The following ABCB1 variants were observed in gnomAD, a reference collection of about 807,000 sequenced individuals.
The protein encoded by ABCB1 is ATP-dependent translocase ABCB1.
A neutral mutation model predicts 142.0 loss-of-function variants in ABCB1; 69 were observed. The observed-to-expected ratio is 0.49, with a 90% CI of 0.40 to 0.59. The LOEUF is 0.59. ABCB1 is among the 20% of genes least tolerant of loss of function. The pLI, the probability that ABCB1 is intolerant of heterozygous loss-of-function variation, is 0.00. For missense variants in ABCB1, 1,326 were observed against 1,554.7 expected (o/e 0.85, Z 2.47); for synonymous variants, 532 against 539.2 (o/e 0.99, Z 0.18).
rs186026692 is a variant in ABCB1, at chr7:87,504,053, T to C, written c.*190A>G. ...ATTTATAATGCAGTTTAAACTATGA[T>C]TTCTCTCCACTTGATGATGTCTCTC... On this transcript the variant is annotated 3_prime_UTR_variant, in exon 28 of 28. Coordinates refer to ENST00000622132, the MANE Select transcript of ABCB1 (RefSeq NM_001348946.2). 1.5e-6 allele frequency: 1 copy of C among 661,822 alleles called. No homozygotes were observed. Among genetic ancestry groups the C allele is most frequent in the Admixed American group, 2.8e-5 (1 of 35,538 alleles). The allele number at this position is 661,822 out of a possible 1,614,324, so 41.0% of individuals were successfully genotyped here.
chr7:87,609,542 T>C (rs1819778043), intron 1 of ABCB1, among the ~76,000 whole-genome samples: 1 of 152,162 alleles, frequency 6.6e-6, no homozygotes, highest in African/African-American at 2.4e-5. Flanking sequence ...CATTCTATCA[T>C]ATTGACAGGA....
chr7:87,531,641 T>C (rs1816061887), intron 20 of ABCB1, 144 bp from the exon 21 acceptor site: 1 of 739,030 alleles, frequency 1.4e-6, no homozygotes, highest in South Asian at 1.8e-5. Flanking sequence ...CTTGTAAGTT[T>C]ATTGAGTTTC....
At chr7:87,649,253 G>A (rs1823331698) in intron 1 of ABCB1, among the ~76,000 whole-genome samples, 1 of 152,180 alleles carries the variant, frequency 6.6e-6, no homozygotes, top group Non-Finnish European at 1.5e-5. Flanking sequence ...GTTGGGTCTT[G>A]CCATGATAGG....
chr7:87,683,312 T>C (rs1381368026), intron 1 of ABCB1, among the ~76,000 whole-genome samples: 1 of 152,226 alleles, frequency 6.6e-6, no homozygotes. Context: ...ACTGGAATAG[T>C]ACTTTTAATT....
rs770785509 is a variant in ABCB1, at chr7:87,515,342, G to T, written c.3171C>A (p.Ser1057Arg). Residue 1057 changes from serine (S) to arginine (R), a missense_variant, in exon 25 of 28, where the codon AGC becomes AGA. By Grantham distance (110) the Ser-to-Arg change is moderately radical (BLOSUM62 -1). Coordinates refer to ENST00000622132, the MANE Select transcript of ABCB1 (RefSeq NM_001348946.2). ...RPDIPVLQGLSLEVKKGQTLA... is the reference protein window; with the variant it reads ...RPDIPVLQGLRLEVKKGQTLA... ...GCGTCTGGCCCTTCTTCACCTCCAG[G>T]CTCAGTCCCTGAAGCACTGGGATGT... 5 of 1,614,002 alleles carry T rather than the reference G, an allele frequency of 3.1e-6. No homozygotes were observed. In the Admixed American group the frequency reaches 8.3e-5, roughly 27 times the overall value.
intron 3 of ABCB1, among the ~76,000 whole-genome samples, chr7:87,592,977 G>A (rs1819056391): frequency 6.9e-6 from 1 of 145,796 alleles, no homozygotes; most frequent in South Asian, 2.2e-4. Context: ...ACCCAGGCTA[G>A]AGTGCAGTAG....
At chr7:87,520,477 A>G (rs1815450655) in intron 22 of ABCB1, among the ~76,000 whole-genome samples, 1 of 152,190 alleles carries the variant, frequency 6.6e-6, no homozygotes, top group Non-Finnish European at 1.5e-5. Context: ...CTCATTTTCA[A>G]CTAGAGCAAA....
At chr7:87,614,673 T>C (rs1819972530) in intron 1 of ABCB1, among the ~76,000 whole-genome samples, 1 of 152,244 alleles carries the variant, frequency 6.6e-6, no homozygotes, top group African/African-American at 2.4e-5. Flanking sequence ...ACAGCCTGTT[T>C]AGATATTTAG....
chr7:87,623,191 A>C (rs1820287405), intron 1 of ABCB1, among the ~76,000 whole-genome samples: 1 of 152,200 alleles, frequency 6.6e-6, no homozygotes, highest in African/African-American at 2.4e-5. Flanking sequence ...GAATATAATA[A>C]TACTTACTTT....
intron 4 of ABCB1, among the ~76,000 whole-genome samples, chr7:87,581,163 C>T (rs1434087396): frequency 6.6e-6 from 1 of 152,028 alleles, no homozygotes; most frequent in Non-Finnish European, 1.5e-5. Context: ...CACTATCTTG[C>T]CCAGGCTAGC....
chr7:87,652,202 T>C (rs1823645683), intron 1 of ABCB1, among the ~76,000 whole-genome samples: 1 of 152,104 alleles, frequency 6.6e-6, no homozygotes, highest in East Asian at 1.9e-4. Context: ...CCTTAAAACC[T>C]AATTCCCTTG....
Position 87,690,053 on chromosome 7 carries a change from C to T in ABCB1, c.-331+23108G>A, listed in dbSNP as rs866477360. Reference sequence around the variant, plus strand: ...CTGTGTTGCCCAGTCTGATCTCGAACCGCTGAGCTCAAATGATCCTTCTGC... The same window carrying T: ...CTGTGTTGCCCAGTCTGATCTCGAATCGCTGAGCTCAAATGATCCTTCTGC... On this transcript the variant is annotated intron_variant, in intron 1 of 28. Coordinates refer to the ABCB1 transcript ENST00000265724. Among the ~76,000 whole-genome samples the T allele has an allele frequency of 3.9e-5, 6 of 152,080 alleles. 1 individual carries two copies. The South Asian group carries it at 1.2e-3, about 32-fold the overall frequency.
chr7:87,535,878 T>C (rs1032399932), intron 20 of ABCB1, among the ~76,000 whole-genome samples: 1 of 152,212 alleles, frequency 6.6e-6, no homozygotes, highest in African/African-American at 2.4e-5. Flanking sequence ...TAGAAGAAAT[T>C]GTCACTTCAG....
At chr7:87,527,215 T>C (rs548516795) in intron 21 of ABCB1, among the ~76,000 whole-genome samples, 164 of 152,288 alleles carry the variant, frequency 1.1e-3, no homozygotes, top group African/African-American at 3.7e-3. Context: ...CTCTGATCCT[T>C]AATCTTACTT....
At chr7:87,648,652 G>C (rs1823266327) in intron 1 of ABCB1, among the ~76,000 whole-genome samples, 1 of 152,086 alleles carries the variant, frequency 6.6e-6, no homozygotes, top group Non-Finnish European at 1.5e-5. Context: ...TGAATTCTCA[G>C]TGTTTCTAAT....
At position 87,544,871 on chromosome 7, in the gene ABCB1, G is replaced by A. The variant is rs763145299; in HGVS notation, c.2016C>T (p.Val672=). ...LIRKRSTRRS[V]RGSQAQDRKL... ...TTCTGTCTTGGGCTTGTGATCCACG[G>A]ACACTCCTACGAGTTGATCTTTTTC... is the stretch of plus-strand genomic sequence containing the variant. The change falls in exon 16 of 28, where the codon GTC becomes GTT. Residue 672 remains valine, a synonymous_variant. Transcript: ENST00000622132. 16 of 1,613,890 alleles carry A rather than the reference G, an allele frequency of 9.9e-6. 1 individual carries two copies. In the South Asian group the frequency reaches 1.6e-4, roughly 17 times the overall value.
chr7:87,510,939 T>C (rs1584831083), intron 25 of ABCB1, among the ~76,000 whole-genome samples: 1 of 152,088 alleles, frequency 6.6e-6, no homozygotes, highest in Non-Finnish European at 1.5e-5. Flanking sequence ...ACTTGAGAAG[T>C]GGAAATTTAA....
At chr7:87,514,733 G>A (rs550974334) in intron 25 of ABCB1, among the ~76,000 whole-genome samples, 1 of 152,164 alleles carries the variant, frequency 6.6e-6, no homozygotes, top group Admixed American at 6.5e-5. Flanking sequence ...ACCCTTAACT[G>A]TTTCCTACCA....
At chr7:87,515,038 T>A (rs534086950) in intron 25 of ABCB1, among the ~76,000 whole-genome samples, 193 bp downstream of exon 25, 2 of 152,244 alleles carry the variant, frequency 1.3e-5, no homozygotes, top group South Asian at 4.2e-4. Context: ...AGGGGTAGTG[T>A]TGAGGGGAGC....
Sources: gnomAD v4.1 joint callset for allele counts (sites outside exome capture counted in the v4.1 genomes callset) on GRCh38, gnomAD v4.1.1 for gene constraint, MANE v1.5 for transcripts, NCBI Gene and HGNC (gene_info 2026-07-23, HGNC 2026-07-21) for gene names.